Variants in COL4A5 observed in about 807,000 individuals in gnomAD.
COL4A5 encodes the protein collagen alpha-5(IV) chain.
Under a neutral mutation model 130.2 loss-of-function variants are expected in COL4A5, and 26 were observed. The ratio of observed to expected loss-of-function variants is 0.20; its 90% CI spans 0.15 to 0.28. The LOEUF is 0.28. Among genes scored for constraint, COL4A5 ranks in the 10% least tolerant of loss-of-function variants. The pLI is 1.00. For synonymous variants in COL4A5, 496 were observed against 439.6 expected (o/e 1.13, Z -1.60); for missense variants, 1,131 against 1,344.3 (o/e 0.84, Z 2.48).
intron 1 of COL4A5, among the ~76,000 whole-genome samples, chrX:108,527,178 C>G (rs1463650124): frequency 2.7e-5 from 3 of 111,457 alleles, no homozygotes; most frequent in Non-Finnish European, 5.6e-5. Flanking sequence ...AATGTAATTA[C>G]TGATATATTT....
intron 2 of COL4A5, among the ~76,000 whole-genome samples, chrX:108,546,796 C>CTTTGTTCG (rs2065664735): frequency 1.8e-5 from 2 of 111,500 alleles, no homozygotes; most frequent in Non-Finnish European, 3.8e-5. Flanking sequence ...TTCTTGGAGG[C>CTTTGTTCG]TTTGTTCGTT....
At chrX:108,473,595 TTATA>T (rs777363794) in intron 1 of COL4A5, among the ~76,000 whole-genome samples, 1 of 59,558 alleles carries the variant, frequency 1.7e-5, no homozygotes, top group African/African-American at 5.5e-5. Context: ...ATATAAAGTT[TTATA>T]TATATATATA....
chrX:108,526,657 TTTC>T (rs1338023460), intron 1 of COL4A5, among the ~76,000 whole-genome samples: 651 of 57,646 alleles, frequency 0.011, 26 homozygotes, highest in African/African-American at 0.043. Context: ...TCTTTCTTTC[TTTC>T]TTCTTTCTTT....
intron 34 of COL4A5, among the ~76,000 whole-genome samples, chrX:108,625,380 T>C (rs1354605945): frequency 8.9e-6 from 1 of 112,470 alleles, no homozygotes; most frequent in Non-Finnish European, 1.9e-5. Flanking sequence ...GATTTATCTG[T>C]GAAAATACAT....
intron 36 of COL4A5, among the ~76,000 whole-genome samples, chrX:108,638,494 T>C (rs1459732257): frequency 2.7e-5 from 3 of 112,122 alleles, no homozygotes; most frequent in Non-Finnish European, 5.6e-5. Context: ...ATGCTTTTCC[T>C]CTAAGACCAA....
intron 49 of COL4A5, among the ~76,000 whole-genome samples, chrX:108,690,884 C>G (rs759388682): frequency 9.0e-6 from 1 of 111,710 alleles, no homozygotes; most frequent in South Asian, 3.7e-4. Flanking sequence ...TAGCACTATT[C>G]ACAATAGCAA....
intron 1 of COL4A5, among the ~76,000 whole-genome samples, chrX:108,524,204 A>G (rs1311398617): frequency 1.8e-5 from 2 of 112,070 alleles, no homozygotes; most frequent in Non-Finnish European, 3.8e-5. Flanking sequence ...CTGTAGGATT[A>G]TGTGGAAAAG....
rs773946816 is a variant in COL4A5 at position 108,695,072 on chromosome X, AT to A, written c.4821+157del. On this transcript the variant is annotated intron_variant, in intron 51 of 52. Coordinates refer to ENST00000328300, the MANE Select transcript of COL4A5 (RefSeq NM_033380.3). Reference sequence around the variant, plus strand: ...CCAAGCACTGTGTTCCCCCTCACACATTTTTTGTAACATATTTTCATAATCT... The same window carrying A: ...CCAAGCACTGTGTTCCCCCTCACACATTTTTGTAACATATTTTCATAATCT... The A allele has an allele frequency of 7.5e-6, 5 of 667,661 alleles. No individual in the cohort carries two copies. The East Asian group carries it at 1.4e-4, about 18-fold the overall frequency. 55.0% of individuals were successfully genotyped at this position (667,661 alleles called of 1,213,427 possible).
intron 1 of COL4A5, among the ~76,000 whole-genome samples, chrX:108,500,275 T>G (rs1372966200): frequency 8.9e-6 from 1 of 112,289 alleles, no homozygotes; most frequent in African/African-American, 3.2e-5. Context: ...TTAAATGATG[T>G]CGGAGGAGGT....
At chrX:108,651,573 C>G (rs188639602) in intron 36 of COL4A5, among the ~76,000 whole-genome samples, 4 of 111,541 alleles carry the variant, frequency 3.6e-5, no homozygotes, top group African/African-American at 1.3e-4. Flanking sequence ...ACATGCTGTG[C>G]TAGTATGGAA....
At chrX:108,501,893 T>A in intron 1 of COL4A5, among the ~76,000 whole-genome samples, 2 of 112,350 alleles carry the variant, frequency 1.8e-5, no homozygotes, top group African/African-American at 6.5e-5. Context: ...TCCCTTAGAC[T>A]ATTTGAGAGG....
Position 108,558,492 on chromosome X carries a change from G to C in COL4A5, c.142-572G>C, listed in dbSNP as rs2065859470. On this transcript the variant is annotated intron_variant, in intron 2 of 52. Transcript: ENST00000328300. ...TGTCCTGGTGATGATAAAGGCTGCG[G>C]TTAGAACTGAGACCTGAGTCACAAT... Among the ~76,000 whole-genome samples, 3 of 111,277 alleles carry C rather than the reference G, an allele frequency of 2.7e-5. No individual in the cohort carries two copies. The Admixed American group carries it at 2.9e-4, about 11-fold the overall frequency.
At chrX:108,536,810 A>C (rs2065464251) in intron 1 of COL4A5, among the ~76,000 whole-genome samples, 1 of 111,835 alleles carries the variant, frequency 8.9e-6, no homozygotes, top group South Asian at 3.6e-4. Context: ...TAAGGAGATC[A>C]TATTGTCTAT....
In COL4A5 at chrX:108,625,690, A is replaced by G. The variant is rs1242059798; in HGVS notation, c.3017-15A>G. 3.6e-6 allele frequency: 4 copies of G among 1,124,327 alleles called. No homozygotes were observed. The highest frequency in any genetic ancestry group is 4.4e-5 in the Admixed American group (2 of 45,686). 92.7% of individuals were successfully genotyped at this position (1,124,327 alleles called of 1,213,427 possible). A position where few individuals can be genotyped will look rare whatever the true frequency, so the allele number is the denominator to read the frequency against. ...TTGCTACATTGTCTTAATTTTACCA[A>G]TTTGACCTTTCTAGGTCCCAAAGGT... is the stretch of plus-strand genomic sequence containing the variant. On this transcript the variant is annotated splice_polypyrimidine_tract_variant and intron_variant, in intron 34 of 52. Coordinates refer to ENST00000328300, the MANE Select transcript of COL4A5 (RefSeq NM_033380.3).
intron 9 of COL4A5, among the ~76,000 whole-genome samples, chrX:108,575,078 T>A (rs1450782445): frequency 9.0e-6 from 1 of 111,450 alleles, no homozygotes; most frequent in Non-Finnish European, 1.9e-5. Context: ...TGTAAGCCTC[T>A]GTGCCCAGCC....
In COL4A5 at chrX:108,568,749, C is replaced by T. The variant is rs1322844036; in HGVS notation, c.322-10C>T. ...GACATATTATACATGTGTTATGTCGCTTTTCAAAGGGAATGCCAGGCCACG... is the reference window on the plus strand; with the variant it reads ...GACATATTATACATGTGTTATGTCGTTTTTCAAAGGGAATGCCAGGCCACG... On this transcript the variant is annotated splice_polypyrimidine_tract_variant and intron_variant, in intron 5 of 52. Coordinates refer to ENST00000328300, the MANE Select transcript of COL4A5 (RefSeq NM_033380.3). 1 of 1,208,059 alleles carries T rather than the reference C, an allele frequency of 8.3e-7. No individual in the cohort carries two copies. Among genetic ancestry groups the T allele is most frequent in the Admixed American group, 2.2e-5 (1 of 45,660 alleles).
At chrX:108,491,695 C>T (rs1232644453) in intron 1 of COL4A5, among the ~76,000 whole-genome samples, 1 of 111,504 alleles carries the variant, frequency 9.0e-6, no homozygotes, top group Non-Finnish European at 1.9e-5. Flanking sequence ...CTGAAGACAA[C>T]AGTCTACATT....
chrX:108,620,257 A>G lies in COL4A5; in HGVS notation c.2510-2A>G, dbSNP rs760109866. ...TATTAATATTGATATTGTATTAACTAGGTTTACATGGAATACCAGGAGAGA... is the reference window on the plus strand; with the variant it reads ...TATTAATATTGATATTGTATTAACTGGGTTTACATGGAATACCAGGAGAGA... On this transcript the variant is annotated splice_acceptor_variant, in intron 30 of 52. Coordinates refer to ENST00000328300, the MANE Select transcript of COL4A5 (RefSeq NM_033380.3). LOFTEE classifies it high-confidence loss of function. The G allele has an allele frequency of 8.4e-7, 1 of 1,197,050 alleles. No individual in the cohort carries two copies. Among genetic ancestry groups the G allele is most frequent in the African/African-American group, 1.7e-5 (1 of 57,454 alleles).
chrX:108,569,906 TC>T (rs1569488616), intron 6 of COL4A5, among the ~76,000 whole-genome samples: 2 of 111,178 alleles, frequency 1.8e-5, no homozygotes, highest in Non-Finnish European at 3.8e-5. Flanking sequence ...GGTCTCGAAT[TC>T]CTGACCTCTT....
Sources: gnomAD v4.1 joint callset for allele counts (sites outside exome capture counted in the v4.1 genomes callset) on GRCh38, gnomAD v4.1.1 for gene constraint, MANE v1.5 for transcripts, NCBI Gene and HGNC (gene_info 2026-07-23, HGNC 2026-07-21) for gene names.